TRPC4: variants seen among roughly 807,000 people sequenced by gnomAD.
TRPC4 encodes the protein transient receptor potential cation channel subfamily C member 4.
A neutral mutation model predicts 99.4 loss-of-function variants in TRPC4; 49 were observed. The observed-to-expected ratio is 0.49, with a 90% CI of 0.39 to 0.63. The LOEUF is 0.63. Ranked by LOEUF, TRPC4 falls within the 20% of genes least tolerant of loss-of-function variation. TRPC4 has a pLI of 0.00. For missense variants in TRPC4, 898 were observed against 1,152.9 expected, an observed-to-expected ratio of 0.78 and a Z score of 3.20; for synonymous variants, 454 against 425.9, an observed-to-expected ratio of 1.07 and a Z score of -0.81.
chr13:37,698,166 C>CATTTTTTTTTTTTTTTTTTTTTTTTT (rs1953980926), intron 3 of TRPC4, among the ~76,000 whole-genome samples: 1 of 1,774 alleles, frequency 5.6e-4, no homozygotes, highest in Non-Finnish European at 1.6e-3. Flanking sequence ...CAAGGACTAA[C>CATTTTTTTTTTTTTTTTTTTTTTTTT]CTTTTTTTTT....
chr13:37,849,257 T>C (rs1458131964), intron 1 of TRPC4, among the ~76,000 whole-genome samples: 3 of 152,052 alleles, frequency 2.0e-5, no homozygotes, highest in African/African-American at 7.3e-5. Flanking sequence ...ATCTATACCA[T>C]CAAATACTAC....
At chr13:37,816,659 T>C (rs1212845985) in intron 1 of TRPC4, among the ~76,000 whole-genome samples, 1 of 151,608 alleles carries the variant, frequency 6.6e-6, no homozygotes, top group Non-Finnish European at 1.5e-5. Context: ...AAGTAGCACA[T>C]AAAAAAAGCT....
chr13:37,836,846 T>A (rs1405486571), intron 1 of TRPC4, among the ~76,000 whole-genome samples: 2 of 152,194 alleles, frequency 1.3e-5, no homozygotes, highest in African/African-American at 2.4e-5. Flanking sequence ...CTCCAGCACA[T>A]GTGAGAGGTC....
At chr13:37,848,185 T>C (rs1441006480) in intron 1 of TRPC4, among the ~76,000 whole-genome samples, 1 of 152,090 alleles carries the variant, frequency 6.6e-6, no homozygotes, top group Non-Finnish European at 1.5e-5. Context: ...ATAAAGAAAA[T>C]AGATAAATAA....
chr13:37,698,938 A>C (rs1224502415), intron 3 of TRPC4, among the ~76,000 whole-genome samples: 1 of 152,160 alleles, frequency 6.6e-6, no homozygotes, highest in East Asian at 1.9e-4. Flanking sequence ...TACCCTATGC[A>C]CCACCATATG....
intron 3 of TRPC4, among the ~76,000 whole-genome samples, chr13:37,721,198 G>C (rs74047133): frequency 6.6e-6 from 1 of 151,942 alleles, no homozygotes; most frequent in Non-Finnish European, 1.5e-5. Context: ...AAAGAACATT[G>C]AAAAAAGAAA....
At chr13:37,665,706 G>A (rs1952621943) in intron 5 of TRPC4, among the ~76,000 whole-genome samples, 1 of 152,082 alleles carries the variant, frequency 6.6e-6, no homozygotes, top group Non-Finnish European at 1.5e-5. Flanking sequence ...ATCTAGGAAA[G>A]ATGCTATGCA....
Position 37,633,847 on chromosome 13 carries a change from T to A in TRPC4, c.*3056A>T, listed in dbSNP as rs925223421. Among the ~76,000 whole-genome samples, 11 of 152,138 alleles carry A rather than the reference T, an allele frequency of 7.2e-5. No homozygotes were observed. Among genetic ancestry groups the A allele is most frequent in the Non-Finnish European group, 1.2e-4 (8 of 67,990 alleles). The stretch of plus-strand genomic sequence containing the variant: ...TTTTATAAAATAATTCACCCCATTT[T>A]AAAAAATATAGCCAATTTCCTTACT... On this transcript the variant is annotated 3_prime_UTR_variant, in exon 11 of 11. Coordinates refer to ENST00000379705, the MANE Select transcript of TRPC4 (RefSeq NM_016179.4).
intron 8 of TRPC4, among the ~76,000 whole-genome samples, chr13:37,644,491 G>A (rs183423706): frequency 6.6e-6 from 1 of 152,184 alleles, no homozygotes; most frequent in African/African-American, 2.4e-5. Flanking sequence ...TAATAACTTA[G>A]GTAGAATTAT....
intron 1 of TRPC4, among the ~76,000 whole-genome samples, chr13:37,792,482 G>A (rs1026817208): frequency 1.3e-5 from 2 of 152,096 alleles, no homozygotes; most frequent in Non-Finnish European, 2.9e-5. Context: ...TTCTTTCACT[G>A]TGTTAAAGAC....
chr13:37,639,121 C>T lies in TRPC4; in HGVS notation c.2130G>A (p.Met710Ile), dbSNP rs774713915. Reference protein sequence around the residue: ...LRRHHQYQEVMRNLVKRYVAA... With the variant: ...LRRHHQYQEVIRNLVKRYVAA... ...CAACGTATCGCTTCACCAGGTTCCT[C>T]ATAACTTCCTGAGGCATTTTAGAAC... The change falls in exon 10 of 11, where the codon ATG becomes ATA. Residue 710 changes from methionine to isoleucine, a missense_variant. By Grantham distance (10) the Met-to-Ile change is conservative (BLOSUM62 1). Coordinates refer to ENST00000379705, the MANE Select transcript of TRPC4 (RefSeq NM_016179.4). 1.6e-5 allele frequency: 26 copies of T among 1,613,546 alleles called. 1 individual carries two copies. In the South Asian group the frequency reaches 2.9e-4, roughly 18 times the overall value.
intron 4 of TRPC4, among the ~76,000 whole-genome samples, chr13:37,685,969 T>A (rs1953459307): frequency 6.6e-6 from 1 of 152,178 alleles, no homozygotes; most frequent in South Asian, 2.1e-4. Context: ...CGCACTGTAC[T>A]ATCTGATTTC....
chr13:37,784,092 T>C (rs912351913), intron 1 of TRPC4, among the ~76,000 whole-genome samples: 2 of 152,120 alleles, frequency 1.3e-5, no homozygotes, highest in Non-Finnish European at 2.9e-5. Flanking sequence ...CTGAGCCCAA[T>C]GAACATAATT....
chr13:37,865,712 T>C (rs1164447748), intron 1 of TRPC4, among the ~76,000 whole-genome samples: 1 of 151,742 alleles, frequency 6.6e-6, no homozygotes, highest in African/African-American at 2.4e-5. Flanking sequence ...GATTGTATTT[T>C]AGAAACCACA....
intron 1 of TRPC4, among the ~76,000 whole-genome samples, chr13:37,801,329 T>C (rs1233430422): frequency 6.6e-6 from 1 of 152,102 alleles, no homozygotes; most frequent in Non-Finnish European, 1.5e-5. Flanking sequence ...ACAGCCAGAA[T>C]GAATGAAATA....
intron 1 of TRPC4, among the ~76,000 whole-genome samples, chr13:37,821,889 G>A (rs1020601840): frequency 2.0e-5 from 3 of 152,080 alleles, no homozygotes; most frequent in African/African-American, 7.2e-5. Context: ...TACCATTCCA[G>A]ACACAGGCCC....
rs1442277246 is a variant in TRPC4, at chr13:37,745,471, T to C, written c.897+466A>G. Reference sequence around the variant, plus strand: ...ATATATATATATATATATATATATATATACACACACACACACACTTATATA... The same window carrying C: ...ATATATATATATATATATATATATACATACACACACACACACACTTATATA... On this transcript the variant is annotated intron_variant, in intron 3 of 10. Transcript: ENST00000379705. Among the ~76,000 whole-genome samples, 3 of 4,646 alleles carry C rather than the reference T, an allele frequency of 6.5e-4. 1 individual carries two copies. Among genetic ancestry groups the C allele is most frequent in the African/African-American group, 1.0e-3 (3 of 2,970 alleles). The allele number at this position is 4,646 out of a possible 152,430, so 3.0% of individuals were successfully genotyped here.
At chr13:37,704,850 G>A (rs1220207664) in intron 3 of TRPC4, among the ~76,000 whole-genome samples, 2 of 152,004 alleles carry the variant, frequency 1.3e-5, no homozygotes, top group Non-Finnish European at 2.9e-5. Context: ...AGATGCATGG[G>A]AATTTAAATG....
At chr13:37,667,370 A>C (rs1043149224) in intron 5 of TRPC4, among the ~76,000 whole-genome samples, 1 of 152,100 alleles carries the variant, frequency 6.6e-6, no homozygotes. Flanking sequence ...ACAGTGCCGC[A>C]ATCTCGGCTC....
Sources: gnomAD v4.1 joint callset for allele counts (sites outside exome capture counted in the v4.1 genomes callset) on GRCh38, gnomAD v4.1.1 for gene constraint, MANE v1.5 for transcripts, NCBI Gene and HGNC (gene_info 2026-07-23, HGNC 2026-07-21) for gene names.